C16orf95: variants seen among roughly 807,000 people sequenced by gnomAD.
C16orf95 encodes the protein chromosome 16 open reading frame 95, also known as uncharacterized protein C16orf95.
C16orf95 carries 41 observed loss-of-function variants against 32.1 expected under a neutral mutation model. The ratio of observed to expected loss-of-function variants is 1.28; its 90% CI spans 1.00 to 1.66. The LOEUF (loss-of-function observed/expected upper bound fraction) is 1.66, where lower values mean the gene tolerates loss of function less well. C16orf95 is among the 40% of genes most tolerant of loss of function. The pLI, the probability that C16orf95 is intolerant of heterozygous loss-of-function variation, is 0.00. For missense variants in C16orf95, 399 were observed against 325.9 expected (o/e 1.22, Z -1.73); for synonymous variants, 147 against 128.9 (o/e 1.14, Z -0.95).
At chr16:87,304,803 C>G (rs114518144) in intron 6 of C16orf95, among the ~76,000 whole-genome samples, 2,416 of 152,360 alleles carry the variant, frequency 0.016, 51 homozygotes, top group African/African-American at 0.042. Flanking sequence ...GTGACCAAGA[C>G]CGGGCTAAGC....
Position 87,305,217 on chromosome 16 carries a change from C to T in C16orf95, c.701+502G>A, listed in dbSNP as rs1196719289. 2.0e-5 allele frequency among the ~76,000 whole-genome samples: 3 copies of T among 152,042 alleles called. No individual in the cohort carries two copies. Among genetic ancestry groups the T allele is most frequent in the African/African-American group, 4.8e-5 (2 of 41,396 alleles). On this transcript the variant is annotated intron_variant, in intron 6 of 6. Coordinates refer to ENST00000567970, the MANE Select transcript of C16orf95 (RefSeq NM_001195124.3). The surrounding 1 kb of genome is among the most constrained non-coding windows in gnomAD (Gnocchi z 4.2). Reference sequence around the variant, plus strand: ...CTGTGGGCAGCAAGGGTGCCAGGGGCGAAACTCGAAGCCTGGGCGAGGATA... The same window carrying T: ...CTGTGGGCAGCAAGGGTGCCAGGGGTGAAACTCGAAGCCTGGGCGAGGATA...
chr16:87,308,625 T>G (rs918843910), intron 5 of C16orf95, among the ~76,000 whole-genome samples: 36 of 152,344 alleles, frequency 2.4e-4, no homozygotes, highest in African/African-American at 8.2e-4. Flanking sequence ...CCATCCACTC[T>G]TACCACGATG....
intron 3 of C16orf95, among the ~76,000 whole-genome samples, chr16:87,314,363 A>T (rs1904301667): frequency 6.6e-6 from 1 of 152,256 alleles, no homozygotes; most frequent in Admixed American, 6.5e-5. Flanking sequence ...ATGATCACAT[A>T]GAAGAATCTC....
At chr16:87,312,883 T>C (rs1424974017) in intron 3 of C16orf95, among the ~76,000 whole-genome samples, 1 of 152,170 alleles carries the variant, frequency 6.6e-6, no homozygotes, top group East Asian at 1.9e-4. Context: ...GTACTTCTAA[T>C]ACCAGCAATG....
Position 87,317,222 on chromosome 16 carries a change from TG to T in C16orf95, c.20del (p.Pro7HisfsTer99). MRASRS[P>X]PSPRRCHHHH... ...GATGGTGACAACGCCGCGGGGACGGTGGGGACCGGCTCGCACGCATATGGCT... is the reference window on the plus strand; with the variant it reads ...GATGGTGACAACGCCGCGGGGACGGTGGGACCGGCTCGCACGCATATGGCT... On this transcript the variant is annotated frameshift_variant, in exon 1 of 7. Transcript: ENST00000567970. LOFTEE classifies it high-confidence loss of function. 2 of 1,528,708 alleles carry T rather than the reference TG, an allele frequency of 1.3e-6. No individual in the cohort carries two copies. The highest frequency in any genetic ancestry group is 2.8e-5 in the African/African-American group (2 of 72,562). The allele number at this position is 1,528,708 out of a possible 1,614,324, so 94.7% of individuals were successfully genotyped here.
In C16orf95 at chr16:87,310,281, C is replaced by T; in HGVS notation, c.514+16G>A. On this transcript the variant is annotated intron_variant, in intron 5 of 6. Coordinates refer to ENST00000567970, the MANE Select transcript of C16orf95 (RefSeq NM_001195124.3). ...GGGGAGGGGGATGATATGAGACACA[C>T]ACACACTGGAGTTACCTTGGATGCC... The T allele has an allele frequency of 6.5e-7, 1 of 1,536,074 alleles. No homozygotes were observed.
intron 6 of C16orf95, among the ~76,000 whole-genome samples, chr16:87,304,247 T>C (rs1348462783): frequency 2.2e-5 from 3 of 139,402 alleles, no homozygotes; most frequent in African/African-American, 5.2e-5. Context: ...TGGGCTCAAG[T>C]GATCCTCCCA....
intron 2 of C16orf95, among the ~76,000 whole-genome samples, 161 bp downstream of exon 2, chr16:87,315,611 G>A (rs1042850181): frequency 2.6e-5 from 4 of 152,208 alleles, no homozygotes; most frequent in Non-Finnish European, 5.9e-5. Flanking sequence ...TGAGGGCCTG[G>A]GAGGTGTTCT....
At chr16:87,307,319 C>T (rs1227686253) in intron 5 of C16orf95, among the ~76,000 whole-genome samples, 1 of 152,144 alleles carries the variant, frequency 6.6e-6, no homozygotes, top group African/African-American at 2.4e-5. Context: ...TCCCCATATA[C>T]TATGTCATGA....
intron 5 of C16orf95, among the ~76,000 whole-genome samples, chr16:87,306,699 C>T (rs141143840): frequency 5.3e-5 from 8 of 152,146 alleles, no homozygotes; most frequent in African/African-American, 1.9e-4. Flanking sequence ...TCCGTACTTG[C>T]GGCCAGAGGG....
In C16orf95 at chr16:87,311,260, C is replaced by A. The variant is rs759484340; in HGVS notation, c.367G>T (p.Ala123Ser). 4 of 1,535,290 alleles carry A rather than the reference C, an allele frequency of 2.6e-6. No homozygotes were observed. The highest frequency in any genetic ancestry group is 2.6e-6 in the Non-Finnish European group (3 of 1,146,440). The change falls in exon 4 of 7, where the codon GCC (alanine) becomes TCC (serine). Residue 123 changes from alanine to serine, a missense_variant. Ala to Ser is a moderately conservative substitution (Grantham distance 99). Transcript: ENST00000567970. ...KTVQFPIPQT[A>S]KMCPCLCHRF... ...TGGCATAGGCAGGGGCACATCTTGG[C>A]GGTTTGGGGGATAGGAAATTGAACC...
chr16:87,317,362 C>A lies in C16orf95; in HGVS notation c.-120G>T, dbSNP rs762135915. On this transcript the variant is annotated 5_prime_UTR_variant, in exon 1 of 7. Coordinates refer to ENST00000567970, the MANE Select transcript of C16orf95 (RefSeq NM_001195124.3). ...CCCAACCCGAGCTCAACCCCAGCCC[C>A]AACCTCAACCGCTCAGAGGAGCCCA... 335 of 1,412,306 alleles carry A rather than the reference C, an allele frequency of 2.4e-4. No individual in the cohort carries two copies. The highest frequency in any genetic ancestry group is 2.8e-4 in the Non-Finnish European group (302 of 1,085,850). The allele number at this position is 1,412,306 out of a possible 1,614,324, so 87.5% of individuals were successfully genotyped here. A position where few individuals can be genotyped will look rare whatever the true frequency, so the allele number is the denominator to read the frequency against.
intron 2 of C16orf95, 139 bp downstream of exon 2, chr16:87,315,633 G>T: frequency 1.5e-6 from 1 of 647,482 alleles, no homozygotes; most frequent in East Asian, 3.1e-5. Flanking sequence ...GAGGCCCAGG[G>T]ATAGCTCCTG....
intron 5 of C16orf95, among the ~76,000 whole-genome samples, chr16:87,309,052 C>T (rs951716976): frequency 2.0e-4 from 30 of 152,218 alleles, no homozygotes; most frequent in Non-Finnish European, 4.4e-5. Context: ...TTAAATGAGT[C>T]ACCCATCTGG....
Position 87,317,323 on chromosome 16 carries a change from T to A in C16orf95, c.-81A>T, listed in dbSNP as rs1226470350. On this transcript the variant is annotated 5_prime_UTR_variant, in exon 1 of 7. Coordinates refer to ENST00000567970, the MANE Select transcript of C16orf95 (RefSeq NM_001195124.3). The stretch of plus-strand genomic sequence containing the variant: ...CGCCCTGGCTCCCGCCTTTCCCTCC[T>A]GCCCCAGGAGGAACCCAACCCGAGC... The A allele has an allele frequency of 2.8e-6, 4 of 1,447,432 alleles. No individual in the cohort carries two copies. In the African/African-American group the frequency reaches 5.7e-5, roughly 21 times the overall value. The allele number at this position is 1,447,432 out of a possible 1,614,324, so 89.7% of individuals were successfully genotyped here. A position where few individuals can be genotyped will look rare whatever the true frequency, so the allele number is the denominator to read the frequency against.
chr16:87,311,246 G>C lies in C16orf95; in HGVS notation c.381C>G (p.Pro127=). ...FPIPQTAKMC[P]CLCHRFGGRL... ...GGCCCCCAAAGCGGTGGCATAGGCA[G>C]GGGCACATCTTGGCGGTTTGGGGGA... Residue 127 remains proline (P), a synonymous_variant, in exon 4 of 7, where the codon CCC becomes CCG. Coordinates refer to ENST00000567970, the MANE Select transcript of C16orf95 (RefSeq NM_001195124.3). The C allele has an allele frequency of 6.5e-7, 1 of 1,535,874 alleles. No homozygotes were observed. The highest frequency in any genetic ancestry group is 1.4e-5 in the African/African-American group (1 of 73,186).
At chr16:87,306,035 G>A in intron 5 of C16orf95, 130 bp from the exon 6 acceptor site, 1 of 650,994 alleles carries the variant, frequency 1.5e-6, no homozygotes, top group Non-Finnish European at 2.3e-6. Context: ...ACAGCCCCGG[G>A]GTGGGGACAC....
intron 2 of C16orf95, 78 bp from the exon 3 acceptor site, chr16:87,315,174 G>T: frequency 7.1e-7 from 1 of 1,414,508 alleles, no homozygotes; most frequent in Admixed American, 2.2e-5. Flanking sequence ...AAGCACAGTA[G>T]ATCCGTGCTC....
chr16:87,317,300 C>G lies in C16orf95; in HGVS notation c.-58G>C. 6 of 1,455,418 alleles carry G rather than the reference C, an allele frequency of 4.1e-6. No individual in the cohort carries two copies. The highest frequency in any genetic ancestry group is 5.4e-6 in the Non-Finnish European group (6 of 1,102,656). The allele number at this position is 1,455,418 out of a possible 1,614,324, so 90.2% of individuals were successfully genotyped here. A position where few individuals can be genotyped will look rare whatever the true frequency, so the allele number is the denominator to read the frequency against. On this transcript the variant is annotated 5_prime_UTR_variant, in exon 1 of 7. Coordinates refer to ENST00000567970, the MANE Select transcript of C16orf95 (RefSeq NM_001195124.3). ...CACACATCGTCCGCAGGCCCTGACG[C>G]CCTGGCTCCCGCCTTTCCCTCCTGC... is the stretch of plus-strand genomic sequence containing the variant.
Sources: allele counts gnomAD v4.1 joint callset (sites outside exome capture counted in the v4.1 genomes callset), GRCh38; gene constraint gnomAD v4.1.1; non-coding constraint Gnocchi (gnomAD v3.1); transcripts MANE v1.5; gene names NCBI Gene and HGNC (gene_info 2026-07-23, HGNC 2026-07-21).